The following RASA2 variants were observed in gnomAD, a reference collection of about 807,000 sequenced individuals.
The protein encoded by RASA2 is ras GTPase-activating protein 2.
A neutral mutation model predicts 118.2 loss-of-function variants in RASA2; 155 were observed. That is an observed-to-expected ratio of 1.31 (90% CI 1.15 to 1.50). RASA2 has a LOEUF of 1.50. RASA2 is among the 40% of genes most tolerant of loss of function. RASA2 has a pLI of 0.00. For synonymous variants in RASA2, 353 were observed against 349.1 expected, an observed-to-expected ratio of 1.01 and a Z score of -0.12; for missense variants, 1,016 against 1,009.6, an observed-to-expected ratio of 1.01 and a Z score of -0.09.
intron 1 of RASA2, among the ~76,000 whole-genome samples, chr3:141,496,206 G>A (rs891198872): frequency 5.9e-5 from 9 of 152,034 alleles, no homozygotes; most frequent in Non-Finnish European, 7.4e-5. Context: ...ACCTAAAACC[G>A]TAAAAACCCT....
intron 9 of RASA2, among the ~76,000 whole-genome samples, chr3:141,561,151 C>G (rs987669975): frequency 6.6e-6 from 1 of 152,188 alleles, no homozygotes; most frequent in Admixed American, 6.5e-5. Context: ...CATCCTCCCA[C>G]TACACCATGT....
intron 19 of RASA2, chr3:141,600,686 C>T (rs1274816095): frequency 6.4e-6 from 1 of 155,060 alleles, no homozygotes; most frequent in Non-Finnish European, 1.4e-5. Context: ...AGTCCCACCA[C>T]TTTGATCTGC....
intron 19 of RASA2, among the ~76,000 whole-genome samples, chr3:141,602,247 G>A (rs1249358701): frequency 6.6e-6 from 1 of 152,106 alleles, no homozygotes; most frequent in African/African-American, 2.4e-5. Flanking sequence ...TGTCACCAAG[G>A]ACCAGTTTCA....
At chr3:141,521,894 G>GT (rs369996071) in intron 3 of RASA2, among the ~76,000 whole-genome samples, 8,610 of 139,586 alleles carry the variant, frequency 0.062, 793 homozygotes, top group African/African-American at 0.21. Context: ...TAACACACAG[G>GT]TTTTTTTTTT....
chr3:141,513,910 A>G (rs915620167), intron 2 of RASA2, among the ~76,000 whole-genome samples: 5 of 152,208 alleles, frequency 3.3e-5, no homozygotes, highest in Non-Finnish European at 7.4e-5. Context: ...CATTTCAGAG[A>G]TTCGCGTCTT....
chr3:141,569,499 G>A (rs1472913874), intron 9 of RASA2, among the ~76,000 whole-genome samples: 2 of 152,042 alleles, frequency 1.3e-5, no homozygotes, highest in African/African-American at 4.8e-5. Context: ...AAAAAAATAG[G>A]TATTTACACT....
chr3:141,509,833 G>A (rs2081923621), intron 1 of RASA2, among the ~76,000 whole-genome samples: 2 of 152,184 alleles, frequency 1.3e-5, no homozygotes, highest in African/African-American at 2.4e-5. Context: ...TAGATTATTT[G>A]TCTTAGTGAC....
intron 5 of RASA2, among the ~76,000 whole-genome samples, chr3:141,546,694 G>A (rs2082491507): frequency 6.6e-6 from 1 of 152,084 alleles, no homozygotes; most frequent in South Asian, 2.1e-4. Flanking sequence ...TTAACTTGGT[G>A]TGATCCCATT....
intron 4 of RASA2, among the ~76,000 whole-genome samples, chr3:141,530,439 A>G (rs939662734): frequency 6.6e-6 from 1 of 152,132 alleles, no homozygotes; most frequent in Non-Finnish European, 1.5e-5. Flanking sequence ...TGCTCTTAGA[A>G]ATTATTTTTC....
chr3:141,514,858 C>A (rs2081999869), intron 2 of RASA2, among the ~76,000 whole-genome samples: 1 of 152,196 alleles, frequency 6.6e-6, no homozygotes, highest in Admixed American at 6.5e-5. Context: ...TACACAACAA[C>A]ATCGAAAAAA....
intron 1 of RASA2, among the ~76,000 whole-genome samples, chr3:141,493,582 G>A (rs1385708512): frequency 1.3e-5 from 2 of 152,088 alleles, no homozygotes; most frequent in Non-Finnish European, 2.9e-5. Context: ...CTACCTAAAT[G>A]ATGGCAACCT....
chr3:141,487,145 C>T lies in RASA2; in HGVS notation c.62C>T (p.Thr21Ile). 1 of 1,458,336 alleles carries T rather than the reference C, an allele frequency of 6.9e-7. No individual in the cohort carries two copies. The highest frequency in any genetic ancestry group is 1.3e-5 in the South Asian group (1 of 75,994). The allele number at this position is 1,458,336 out of a possible 1,614,324, so 90.3% of individuals were successfully genotyped here. A position where few individuals can be genotyped will look rare whatever the true frequency, so the allele number is the denominator to read the frequency against. The change falls in exon 1 of 24, where the codon ACT becomes ATT. Residue 21 changes from threonine to isoleucine, a missense_variant. Physicochemically the swap from Thr to Ile is moderately conservative, Grantham distance 89. This residue lies in a region of RASA2 where 896 missense variants were observed against 836.4 expected (regional missense o/e 1.07). Transcript: ENST00000286364. ...ASSEAPAASA[T>I]AEPEAGDQDS... ...TCCGAGGCGCCAGCGGCGAGTGCGA[C>T]TGCAGAGCCCGAGGCCGGGGACCAG...
intron 5 of RASA2, among the ~76,000 whole-genome samples, chr3:141,546,592 T>C (rs2082489304): frequency 6.6e-6 from 1 of 152,216 alleles, no homozygotes; most frequent in Non-Finnish European, 1.5e-5. Context: ...TGGTTATTAA[T>C]CCGTTCTCAG....
Position 141,518,459 on chromosome 3 carries a change from G to A in RASA2, c.355+2028G>A, listed in dbSNP as rs1197518273. 5.5e-5 allele frequency among the ~76,000 whole-genome samples: 6 copies of A among 108,514 alleles called. No homozygotes were observed. In the South Asian group the frequency reaches 9.4e-4, roughly 17 times the overall value. The allele number at this position is 108,514 out of a possible 152,430, so 71.2% of individuals were successfully genotyped here. ...GGTTGTGCCACTGTGCTCCAGCCTCGGCAACAGAGCAAGACACCATCTCAA... is the reference window on the plus strand; with the variant it reads ...GGTTGTGCCACTGTGCTCCAGCCTCAGCAACAGAGCAAGACACCATCTCAA... On this transcript the variant is annotated intron_variant, in intron 3 of 23. Coordinates refer to ENST00000286364, the MANE Select transcript of RASA2 (RefSeq NM_006506.5).
chr3:141,609,262 G>A (rs531871084), intron 21 of RASA2, among the ~76,000 whole-genome samples, 158 bp from the exon 22 acceptor site: 1 of 152,052 alleles, frequency 6.6e-6, no homozygotes, highest in African/African-American at 2.4e-5. Flanking sequence ...AACTCTCCTT[G>A]GCCCCACTTT....
intron 1 of RASA2, among the ~76,000 whole-genome samples, chr3:141,499,467 T>G (rs1488661675): frequency 6.6e-6 from 1 of 152,222 alleles, no homozygotes; most frequent in South Asian, 2.1e-4. Flanking sequence ...TCACTGAGTC[T>G]CGGCTAGCCA....
Position 141,576,972 on chromosome 3 carries a change from A to G in RASA2, c.1484-28A>G, listed in dbSNP as rs376070932. 11 of 1,410,626 alleles carry G rather than the reference A, an allele frequency of 7.8e-6. No individual in the cohort carries two copies. In the African/African-American group the frequency reaches 1.5e-4, roughly 19 times the overall value. The allele number at this position is 1,410,626 out of a possible 1,614,324, so 87.4% of individuals were successfully genotyped here. A position where few individuals can be genotyped will look rare whatever the true frequency, so the allele number is the denominator to read the frequency against. The stretch of plus-strand genomic sequence containing the variant: ...CTTTGTTTTTTAATTGTTTTTGTGC[A>G]TGACATTTCACCATTTTTTTCCTGC... On this transcript the variant is annotated intron_variant, in intron 14 of 23. Coordinates refer to ENST00000286364, the MANE Select transcript of RASA2 (RefSeq NM_006506.5).
At chr3:141,549,254 A>G (rs2082534045) in intron 5 of RASA2, among the ~76,000 whole-genome samples, 1 of 152,026 alleles carries the variant, frequency 6.6e-6, no homozygotes, top group Non-Finnish European at 1.5e-5. Context: ...TTGCTCCTTC[A>G]GTTATGCCTT....
intron 1 of RASA2, among the ~76,000 whole-genome samples, chr3:141,503,852 T>G (rs1054362521): frequency 6.6e-6 from 1 of 152,222 alleles, no homozygotes; most frequent in Admixed American, 6.5e-5. Flanking sequence ...CGTCTCTGTA[T>G]TAATACAATA....
Sources: gnomAD v4.1 joint callset for allele counts (sites outside exome capture counted in the v4.1 genomes callset) on GRCh38, gnomAD v4.1.1 for gene constraint, gnomAD v4.1.1 regional missense constraint, MANE v1.5 for transcripts, NCBI Gene and HGNC (gene_info 2026-07-23, HGNC 2026-07-21) for gene names.